KRT7: variants seen among roughly 807,000 people sequenced by gnomAD.
KRT7 encodes the protein keratin, type II cytoskeletal 7.
Under a neutral mutation model 42.8 loss-of-function variants are expected in KRT7, and 50 were observed. That is an observed-to-expected ratio of 1.17 (90% CI 0.93 to 1.48). KRT7 has a LOEUF of 1.48. Ranked by LOEUF, KRT7 falls within the 40% of genes most tolerant of loss-of-function variation. KRT7 has a pLI of 0.00. For synonymous variants in KRT7, 268 were observed against 266.3 expected, an observed-to-expected ratio of 1.01 and a Z score of -0.06; for missense variants, 588 against 637.6, an observed-to-expected ratio of 0.92 and a Z score of 0.84.
chr12:52,249,955 C>T (rs1024454711), downstream of KRT7, among the ~76,000 whole-genome samples: 2 of 152,042 alleles, frequency 1.3e-5, no homozygotes, highest in African/African-American at 4.8e-5. Context: ...CTCTCCCTCC[C>T]GACTAAGAAG....
intron 4 of KRT7, among the ~76,000 whole-genome samples, chr12:52,240,975 C>T (rs889690699): frequency 6.6e-6 from 1 of 151,058 alleles, no homozygotes; most frequent in Admixed American, 6.6e-5. Flanking sequence ...CGCCCTGTGC[C>T]CAAGTGATGT....
At chr12:52,250,733 C>G (rs1206443577), downstream of KRT7, 1 of 455,130 alleles carries the variant, frequency 2.2e-6, no homozygotes, top group Non-Finnish European at 4.2e-6. Flanking sequence ...GCGCGCCCCT[C>G]AAACCCTCAC....
intron 6 of KRT7, 111 bp downstream of exon 6, chr12:52,243,248 G>T: frequency 2.3e-6 from 3 of 1,306,170 alleles, no homozygotes; most frequent in South Asian, 3.0e-5. Flanking sequence ...GCCAAAGCTG[G>T]TGCCACTGTC....
chr12:52,253,547 C>T, downstream of KRT7: 1 of 1,602,772 alleles, frequency 6.2e-7, no homozygotes, highest in Non-Finnish European at 8.5e-7. Context: ...TTAATAGGTA[C>T]CTTGCATCCC....
At chr12:52,253,158 CT>C, downstream of KRT7, 1 of 1,543,262 alleles carries the variant, frequency 6.5e-7, no homozygotes, top group Non-Finnish European at 9.0e-7. Flanking sequence ...AATCCCTCTC[CT>C]GAGGGCTAAC....
chr12:52,233,734 G>A, intron 1 of KRT7, 114 bp downstream of exon 1: 3 of 1,042,374 alleles, frequency 2.9e-6, no homozygotes, highest in Admixed American at 3.5e-5. Context: ...CCGCCCTTCT[G>A]TCTTTCCGCC....
intron 6 of KRT7, among the ~76,000 whole-genome samples, chr12:52,243,739 G>A (rs182602123): frequency 2.4e-4 from 37 of 152,290 alleles, no homozygotes; most frequent in Admixed American, 2.3e-3. Flanking sequence ...TCTCAGAGAC[G>A]GCACTCTCAA....
At chr12:52,249,870 G>A (rs1348156983), downstream of KRT7, among the ~76,000 whole-genome samples, 1 of 152,118 alleles carries the variant, frequency 6.6e-6, no homozygotes, top group Non-Finnish European at 1.5e-5. Context: ...GTGGGGGCTG[G>A]GGTGGAGAGT....
In KRT7 at chr12:52,233,685, A is replaced by G. The variant is rs549601385; in HGVS notation, c.324+65A>G. 4.1e-3 allele frequency: 6,225 copies of G among 1,531,126 alleles called. 25 individuals are homozygous for G. Among genetic ancestry groups the G allele is most frequent in the Non-Finnish European group, 5.1e-3 (5,614 of 1,107,358 alleles). The allele number at this position is 1,531,126 out of a possible 1,614,324, so 94.8% of individuals were successfully genotyped here. A position where few individuals can be genotyped will look rare whatever the true frequency, so the allele number is the denominator to read the frequency against. ...CCAGACCACACCAGCCGCCCTAACT[A>G]GCCCTGCCTGCGCGCGGGCCAGGCG... is the stretch of plus-strand genomic sequence containing the variant. On this transcript the variant is annotated intron_variant, in intron 1 of 8. Transcript: ENST00000331817.
At chr12:52,242,542 T>TA (rs1210457242) in intron 5 of KRT7, among the ~76,000 whole-genome samples, 1 of 152,044 alleles carries the variant, frequency 6.6e-6, no homozygotes, top group African/African-American at 2.4e-5. Context: ...CCTGCAGAGA[T>TA]AGAGAGTCAT....
At chr12:52,234,334 G>A (rs1201109275) in intron 1 of KRT7, among the ~76,000 whole-genome samples, 2 of 152,340 alleles carry the variant, frequency 1.3e-5, no homozygotes, top group South Asian at 2.1e-4. Context: ...TGGAGGGGGC[G>A]AGGGCAGACT....
Position 52,241,528 on chromosome 12 carries a change from C to T in KRT7, c.750C>T (p.Asp250=). Residue 250 remains aspartate, a synonymous_variant, in exon 5 of 9, where the codon GAC becomes GAT. Coordinates refer to ENST00000331817, the MANE Select transcript of KRT7 (RefSeq NM_005556.4). ...ISDTSVVLSM[D]NSRSLDLDGI... is the part of the protein sequence containing the mutation. The stretch of plus-strand genomic sequence containing the variant: ...ACACATCTGTGGTGCTGTCCATGGA[C>T]AACAGTCGCTCCCTGGACCTGGACG... The T allele has an allele frequency of 1.2e-6, 2 of 1,613,954 alleles. No individual in the cohort carries two copies. The highest frequency in any genetic ancestry group is 2.2e-5 in the South Asian group (2 of 91,036).
downstream of KRT7, chr12:52,253,343 G>A: frequency 1.2e-6 from 2 of 1,612,582 alleles, no homozygotes; most frequent in Non-Finnish European, 1.7e-6. Context: ...CTCACACTGG[G>A]GAAGTAGAGT....
downstream of KRT7, among the ~76,000 whole-genome samples, chr12:52,250,963 G>T (rs1268432767): frequency 6.6e-6 from 1 of 152,164 alleles, no homozygotes; most frequent in Non-Finnish European, 1.5e-5. Context: ...TGTGGCGAGG[G>T]TGGCCAACCT....
downstream of KRT7, chr12:52,250,694 T>G: frequency 1.8e-6 from 1 of 542,692 alleles, no homozygotes; most frequent in Non-Finnish European, 3.5e-6. Flanking sequence ...AGGCCCCTTC[T>G]GCTCAGAGCT....
intron 3 of KRT7, 153 bp downstream of exon 3, chr12:52,237,722 G>A (rs1942031080): frequency 1.9e-6 from 1 of 529,990 alleles, no homozygotes; most frequent in South Asian, 2.4e-5. Context: ...CTGTGGGTGC[G>A]TGTATGTGTG....
chr12:52,253,885 C>A (rs900930925), downstream of KRT7: 2 of 419,188 alleles, frequency 4.8e-6, no homozygotes, highest in African/African-American at 4.0e-5. Flanking sequence ...GCCCCACCCT[C>A]CCAGTTACAG....
At position 52,241,692 on chromosome 12, in the gene KRT7, C is replaced by T. The variant is rs1360352319; in HGVS notation, c.858+56C>T. 4.1e-6 allele frequency: 6 copies of T among 1,479,000 alleles called. No individual in the cohort carries two copies. In the African/African-American group the frequency reaches 7.0e-5, roughly 17 times the overall value. The allele number at this position is 1,479,000 out of a possible 1,614,324, so 91.6% of individuals were successfully genotyped here. ...TGCCAGGGTCCTTGGTGGCAGCTTC[C>T]CTTACTCCTCAACTTGTCTCAAGCC... is the stretch of plus-strand genomic sequence containing the variant. On this transcript the variant is annotated intron_variant, in intron 5 of 8. Coordinates refer to ENST00000331817, the MANE Select transcript of KRT7 (RefSeq NM_005556.4).
chr12:52,253,863 T>G (rs1440357841), downstream of KRT7: 9 of 444,742 alleles, frequency 2.0e-5, no homozygotes, highest in Non-Finnish European at 4.1e-5. Flanking sequence ...CCCTGCTTCT[T>G]CGATGTCTGA....
Sources: allele counts gnomAD v4.1 joint callset (sites outside exome capture counted in the v4.1 genomes callset), GRCh38; gene constraint gnomAD v4.1.1; transcripts MANE v1.5; gene names NCBI Gene and HGNC (gene_info 2026-07-23, HGNC 2026-07-21).